LPIN2: variants seen among roughly 807,000 people sequenced by gnomAD.
LPIN2 encodes lipin 2.
LPIN2 carries 55 observed loss-of-function variants against 111.4 expected under a neutral mutation model. That is an observed-to-expected ratio of 0.49 (90% CI 0.40 to 0.62). The LOEUF is 0.62. Among genes scored for constraint, LPIN2 ranks in the 20% least tolerant of loss-of-function variants. The pLI is 0.00. For synonymous variants in LPIN2, 425 were observed against 414.0 expected, an observed-to-expected ratio of 1.03 and a Z score of -0.32; for missense variants, 992 against 1,112.1, an observed-to-expected ratio of 0.89 and a Z score of 1.54.
rs1043721829 is a variant in LPIN2, at chr18:2,923,442, A to T, written c.2174+333T>A. On this transcript the variant is annotated intron_variant, in intron 16 of 19. Coordinates refer to ENST00000677752, the MANE Select transcript of LPIN2 (RefSeq NM_001375808.2). ...TCTCAAAAAAAAAAAAAAAAAAAAA[A>T]AAAAAAATTTAAAATACCCAGAAAA... Among the ~76,000 whole-genome samples, 6 of 151,524 alleles carry T rather than the reference A, an allele frequency of 4.0e-5. No homozygotes were observed. The South Asian group carries it at 8.3e-4, about 21-fold the overall frequency.
intron 1 of LPIN2, among the ~76,000 whole-genome samples, chr18:3,009,692 C>T (rs1175310462): frequency 6.6e-6 from 1 of 152,086 alleles, no homozygotes; most frequent in Non-Finnish European, 1.5e-5. Flanking sequence ...CCGCCCGCCT[C>T]GGCCTCCCAA....
chr18:2,939,382 G>C (rs2077337586), intron 6 of LPIN2, 98 bp downstream of exon 6: 1 of 1,422,312 alleles, frequency 7.0e-7, no homozygotes, highest in South Asian at 1.2e-5. Flanking sequence ...ACATTCATGA[G>C]AGCTCAGTCA....
chr18:2,926,910 C>G (rs2077140877), intron 12 of LPIN2, 105 bp from the exon 13 acceptor site: 5 of 859,182 alleles, frequency 5.8e-6, no homozygotes, highest in Non-Finnish European at 9.6e-6. Context: ...CTTCTGAACC[C>G]ACAACTTAAA....
chr18:2,966,525 C>T (rs1568585173), intron 1 of LPIN2, among the ~76,000 whole-genome samples: 1 of 152,176 alleles, frequency 6.6e-6, no homozygotes, highest in Non-Finnish European at 1.5e-5. Flanking sequence ...AATATTCAAA[C>T]TCAAGTATGA....
intron 12 of LPIN2, 80 bp from the exon 13 acceptor site, chr18:2,926,885 A>C: frequency 9.2e-7 from 1 of 1,083,328 alleles, no homozygotes; most frequent in East Asian, 2.5e-5. Context: ...CCTCTCTAGG[A>C]AAGAACACAA....
intron 1 of LPIN2, among the ~76,000 whole-genome samples, chr18:2,987,155 G>C (rs982926317): frequency 6.6e-6 from 1 of 152,126 alleles, no homozygotes; most frequent in East Asian, 1.9e-4. Context: ...CTGTTGAAAT[G>C]CAAGTCTTAC....
chr18:2,990,863 A>G (rs2078255151), intron 1 of LPIN2: 4 of 480,480 alleles, frequency 8.3e-6, no homozygotes, highest in Admixed American at 4.8e-5. Context: ...GGACAATGAT[A>G]CTACCTCCCT....
In LPIN2 at chr18:2,925,468, T is replaced by A; in HGVS notation, c.1794-100A>T. ...GAAAATAAAGATATCCTAAATCTTT[T>A]CTAGGAATGGGTAGAGTTATCCCTT... On this transcript the variant is annotated intron_variant, in intron 13 of 19. Coordinates refer to ENST00000677752, the MANE Select transcript of LPIN2 (RefSeq NM_001375808.2). The surrounding 1 kb of genome is among the most constrained non-coding windows in gnomAD (Gnocchi z 4.1). 6.7e-7 allele frequency: 1 copy of A among 1,487,782 alleles called. No individual in the cohort carries two copies. The highest frequency in any genetic ancestry group is 9.3e-7 in the Non-Finnish European group (1 of 1,074,388). 92.2% of individuals were successfully genotyped at this position (1,487,782 alleles called of 1,614,324 possible).
At chr18:2,993,614 TA>T (rs35074136) in intron 1 of LPIN2, among the ~76,000 whole-genome samples, 139,038 of 152,104 alleles carry the variant, frequency 0.91, 64,372 homozygotes, top group East Asian at 1. Flanking sequence ...AACAAAAAGT[TA>T]ACGTGTAACT....
chr18:2,954,002 G>T (rs2077576123), intron 3 of LPIN2, among the ~76,000 whole-genome samples: 1 of 152,058 alleles, frequency 6.6e-6, no homozygotes, highest in African/African-American at 2.4e-5. Flanking sequence ...ACTTATAAAA[G>T]GATATAGGCC....
At chr18:2,939,367 C>T in intron 6 of LPIN2, 113 bp downstream of exon 6, 1 of 1,283,890 alleles carries the variant, frequency 7.8e-7, no homozygotes, top group Non-Finnish European at 1.1e-6. Flanking sequence ...AGGGCACTAT[C>T]ATTTACATTC....
intron 4 of LPIN2, among the ~76,000 whole-genome samples, chr18:2,949,916 T>C (rs994736451): frequency 1.3e-4 from 19 of 151,756 alleles, no homozygotes; most frequent in Non-Finnish European, 8.8e-5. Context: ...CTGGGCAACA[T>C]AGCAAGACCT....
At position 2,919,949 on chromosome 18, in the gene LPIN2, G is replaced by A. The variant is rs926103269; in HGVS notation, c.*344C>T. The A allele has an allele frequency of 7.8e-6, 3 of 382,698 alleles. No individual in the cohort carries two copies. The highest frequency in any genetic ancestry group is 7.3e-5 in the Admixed American group (2 of 27,292). The allele number at this position is 382,698 out of a possible 1,614,324, so 23.7% of individuals were successfully genotyped here. On this transcript the variant is annotated 3_prime_UTR_variant, in exon 20 of 20. Coordinates refer to ENST00000677752, the MANE Select transcript of LPIN2 (RefSeq NM_001375808.2). Reference sequence around the variant, plus strand: ...AAACTGGAACACTTCACTGTGTGCAGTGTTTTGGTCCACTCTTTTTTAGCT... The same window carrying A: ...AAACTGGAACACTTCACTGTGTGCAATGTTTTGGTCCACTCTTTTTTAGCT...
chr18:2,982,870 C>A, intron 1 of LPIN2: 16 of 394,680 alleles, frequency 4.1e-5, no homozygotes, highest in East Asian at 8.5e-5. Flanking sequence ...CTTGCAGACA[C>A]AGTTATATGG....
chr18:2,991,571 G>A (rs923504307), intron 1 of LPIN2, among the ~76,000 whole-genome samples: 1 of 152,076 alleles, frequency 6.6e-6, no homozygotes, highest in South Asian at 2.1e-4. Context: ...AATGAGCCAG[G>A]TGTGGTGTTG....
At chr18:2,972,557 A>AC (rs2077938090) in intron 1 of LPIN2, among the ~76,000 whole-genome samples, 6 of 152,242 alleles carry the variant, frequency 3.9e-5, no homozygotes, top group Admixed American at 2.6e-4. Flanking sequence ...TCAATAATGT[A>AC]CCAGAACATT....
At chr18:2,946,009 T>C (rs534039768) in intron 4 of LPIN2, 563 of 1,383,388 alleles carry the variant, frequency 4.1e-4, no homozygotes, top group Non-Finnish European at 5.5e-4. Context: ...TCCAGAATGA[T>C]ATACACAGAC....
At chr18:2,938,335 C>G (rs531678325) in intron 6 of LPIN2, among the ~76,000 whole-genome samples, 2 of 152,052 alleles carry the variant, frequency 1.3e-5, no homozygotes, top group Non-Finnish European at 2.9e-5. Context: ...ATTAGCCTGG[C>G]CAACAGGATG....
intron 7 of LPIN2, 110 bp downstream of exon 7, chr18:2,937,582 T>C: frequency 1.2e-6 from 1 of 819,760 alleles, no homozygotes; most frequent in Non-Finnish European, 2.0e-6. Flanking sequence ...GTGCGACGGG[T>C]TTCGACTGGT....
Sources: allele counts gnomAD v4.1 joint callset (sites outside exome capture counted in the v4.1 genomes callset), GRCh38; gene constraint gnomAD v4.1.1; non-coding constraint Gnocchi (gnomAD v3.1); transcripts MANE v1.5; gene names NCBI Gene and HGNC (gene_info 2026-07-23, HGNC 2026-07-21).